The following MGMT variants were observed in gnomAD, a reference collection of about 807,000 sequenced individuals.
MGMT encodes the protein O-6-methylguanine-DNA methyltransferase, also known as methylated-DNA--protein-cysteine methyltransferase.
In MGMT, 14 loss-of-function variants were observed where a neutral mutation model predicts 15.9. The ratio of observed to expected loss-of-function variants is 0.88; its 90% CI spans 0.58 to 1.37. The LOEUF is 1.37. MGMT is among the 40% of genes most tolerant of loss of function. The probability of loss-of-function intolerance (pLI) is 0.00; values close to 1 mark genes in which losing one functional copy is unlikely to be tolerated. For synonymous variants in MGMT, 130 were observed against 118.2 expected (o/e 1.10, Z -0.65); for missense variants, 282 against 268.1 (o/e 1.05, Z -0.36).
intron 1 of MGMT, among the ~76,000 whole-genome samples, chr10:129,525,121 T>TACAC (rs1167772286): frequency 2.0e-5 from 3 of 152,158 alleles, no homozygotes; most frequent in East Asian, 1.9e-4. Context: ...ATCTATTTCT[T>TACAC]TCACACACAC....
At chr10:129,524,286 A>G (rs191920718) in intron 1 of MGMT, among the ~76,000 whole-genome samples, 4 of 152,242 alleles carry the variant, frequency 2.6e-5, no homozygotes, top group Admixed American at 2.0e-4. Flanking sequence ...ACAAACAAAA[A>G]CAACTTGTAA....
rs570779181 is a variant in MGMT at position 129,605,885 on chromosome 10, AT to A, written c.125+69520del. Among the ~76,000 whole-genome samples the A allele has an allele frequency of 9.2e-4, 135 of 147,220 alleles. 1 individual carries two copies. The highest frequency in any genetic ancestry group is 7.1e-3 in the Middle Eastern group (2 of 282). ...TGAAAAGCAACATTCAAGAACGGTGATTTTTTTTTTTTGACATTTACAAATA... is the reference window on the plus strand; with the variant it reads ...TGAAAAGCAACATTCAAGAACGGTGATTTTTTTTTTTGACATTTACAAATA... On this transcript the variant is annotated intron_variant, in intron 2 of 4. Transcript: ENST00000651593.
rs116995112 is a variant in MGMT, at chr10:129,682,058, C to T, written c.126-25837C>T. 7.2e-5 allele frequency among the ~76,000 whole-genome samples: 11 copies of T among 152,290 alleles called. No individual in the cohort carries two copies. In the East Asian group the frequency reaches 1.7e-3, roughly 24 times the overall value. On this transcript the variant is annotated intron_variant, in intron 2 of 4. Transcript: ENST00000651593. ...AGGTTCCACGCAGAGACCACACACT[C>T]CTACAGCCACTCGGAGACCACGTGG...
At chr10:129,628,148 G>A (rs931438000) in intron 2 of MGMT, among the ~76,000 whole-genome samples, 21 of 152,186 alleles carry the variant, frequency 1.4e-4, no homozygotes, top group African/African-American at 4.1e-4. Context: ...ATGCTTTGGG[G>A]TGTTTTCTAC....
At position 129,581,104 on chromosome 10, in the gene MGMT, T is replaced by G. The variant is rs970700913; in HGVS notation, c.125+44727T>G. Reference sequence around the variant, plus strand: ...TGTAAGATAAGAAAGGGGAAACAGCTGCGTTGGTGGATAATTGTTAACGGT... The same window carrying G: ...TGTAAGATAAGAAAGGGGAAACAGCGGCGTTGGTGGATAATTGTTAACGGT... On this transcript the variant is annotated intron_variant, in intron 2 of 4. Coordinates refer to ENST00000651593, the MANE Select transcript of MGMT (RefSeq NM_002412.5). Among the ~76,000 whole-genome samples, 25 of 152,196 alleles carry G rather than the reference T, an allele frequency of 1.6e-4. 1 individual carries two copies. The highest frequency in any genetic ancestry group is 3.4e-4 in the Non-Finnish European group (23 of 68,034).
At chr10:129,688,447 G>A (rs950975014) in intron 2 of MGMT, among the ~76,000 whole-genome samples, 1 of 152,140 alleles carries the variant, frequency 6.6e-6, no homozygotes, top group African/African-American at 2.4e-5. Flanking sequence ...GCCAGTGATG[G>A]TGAGCATTTT....
intron 2 of MGMT, among the ~76,000 whole-genome samples, chr10:129,660,661 CATA>C (rs1349627954): frequency 6.6e-6 from 1 of 152,100 alleles, no homozygotes; most frequent in African/African-American, 2.4e-5. Flanking sequence ...TGTGGGTTTC[CATA>C]ATGTGAAATT....
chr10:129,469,393 G>GA (rs1207686328), intron 1 of MGMT, among the ~76,000 whole-genome samples: 7 of 151,840 alleles, frequency 4.6e-5, no homozygotes, highest in African/African-American at 1.7e-4. Flanking sequence ...CTCTTTGATA[G>GA]AAAAAAAATG....
intron 3 of MGMT, among the ~76,000 whole-genome samples, chr10:129,749,625 T>A (rs1162804491): frequency 2.0e-5 from 3 of 152,148 alleles, no homozygotes; most frequent in African/African-American, 7.2e-5. Context: ...TTCAAATCAG[T>A]AGAGTAAATA....
chr10:129,728,340 G>T (rs1355716467), intron 3 of MGMT, among the ~76,000 whole-genome samples: 1 of 152,182 alleles, frequency 6.6e-6, no homozygotes, highest in Non-Finnish European at 1.5e-5. Flanking sequence ...TGAGAAAAAG[G>T]CTGAAGAAGG....
At chr10:129,565,955 G>A (rs189042798) in intron 2 of MGMT, among the ~76,000 whole-genome samples, 34 of 152,220 alleles carry the variant, frequency 2.2e-4, no homozygotes, top group African/African-American at 7.2e-4. Flanking sequence ...CACCGTGGTC[G>A]GGGCCTGTGA....
intron 3 of MGMT, among the ~76,000 whole-genome samples, chr10:129,749,259 A>G (rs979810049): frequency 6.6e-6 from 1 of 152,092 alleles, no homozygotes; most frequent in African/African-American, 2.4e-5. Context: ...TTTACACCCT[A>G]AAAATCCCCC....
intron 2 of MGMT, among the ~76,000 whole-genome samples, chr10:129,592,010 C>G (rs973299450): frequency 3.9e-5 from 6 of 152,170 alleles, no homozygotes; most frequent in African/African-American, 1.4e-4. Flanking sequence ...GACCCTGGAG[C>G]ACCTCTCTTT....
chr10:129,593,829 C>G (rs141562317), intron 2 of MGMT, among the ~76,000 whole-genome samples: 1 of 152,174 alleles, frequency 6.6e-6, no homozygotes, highest in East Asian at 1.9e-4. Context: ...GGCAGTGAGG[C>G]GAACAGTGCT....
intron 2 of MGMT, among the ~76,000 whole-genome samples, chr10:129,601,076 A>G (rs1415270271): frequency 6.6e-6 from 1 of 151,268 alleles, no homozygotes; most frequent in Non-Finnish European, 1.5e-5. Context: ...GGCATTTTTC[A>G]TCTGAAAGCA....
intron 2 of MGMT, among the ~76,000 whole-genome samples, chr10:129,632,330 A>G (rs1847219266): frequency 6.6e-6 from 1 of 152,168 alleles, no homozygotes; most frequent in Non-Finnish European, 1.5e-5. Flanking sequence ...TTGATAGAGC[A>G]CTTTCTTAAA....
At chr10:129,651,857 A>G (rs1046886014) in intron 2 of MGMT, among the ~76,000 whole-genome samples, 3 of 152,226 alleles carry the variant, frequency 2.0e-5, no homozygotes, top group African/African-American at 2.4e-5. Context: ...TCTTAATCCA[A>G]TTTCTGAGCT....
Position 129,593,423 on chromosome 10 carries a change from G to A in MGMT, c.125+57046G>A, listed in dbSNP as rs556155808. On this transcript the variant is annotated intron_variant, in intron 2 of 4. Coordinates refer to ENST00000651593, the MANE Select transcript of MGMT (RefSeq NM_002412.5). Reference sequence around the variant, plus strand: ...CAGCTCTCTTGAGCACAGTGTGGCCGGCATCTGGTCAGGACTTCAGAGTGG... The same window carrying A: ...CAGCTCTCTTGAGCACAGTGTGGCCAGCATCTGGTCAGGACTTCAGAGTGG... Among the ~76,000 whole-genome samples the A allele has an allele frequency of 9.8e-5, 15 of 152,298 alleles. 1 individual carries two copies. Among genetic ancestry groups the A allele is most frequent in the African/African-American group, 3.6e-4 (15 of 41,560 alleles).
chr10:129,596,361 A>G (rs1386864919), intron 2 of MGMT, among the ~76,000 whole-genome samples: 1 of 152,200 alleles, frequency 6.6e-6, no homozygotes, highest in Non-Finnish European at 1.5e-5. Context: ...CACTGTTCAT[A>G]AATTGTTTAT....
Sources: gnomAD v4.1 joint callset for allele counts (sites outside exome capture counted in the v4.1 genomes callset) on GRCh38, gnomAD v4.1.1 for gene constraint, MANE v1.5 for transcripts, NCBI Gene and HGNC (gene_info 2026-07-23, HGNC 2026-07-21) for gene names.